Variants in CDH13 observed in about 807,000 individuals in gnomAD.
CDH13 encodes the protein cadherin-13.
In CDH13, 24 loss-of-function variants were observed where a neutral mutation model predicts 63.8. That is an observed-to-expected ratio of 0.38 (90% confidence interval 0.27 to 0.53). The LOEUF (loss-of-function observed/expected upper bound fraction) is 0.53, where lower values mean the gene tolerates loss of function less well. CDH13 is among the 20% of genes least tolerant of loss of function. The pLI, the probability that CDH13 is intolerant of heterozygous loss-of-function variation, is 0.85. For missense variants in CDH13, 1,049 were observed against 903.1 expected (o/e 1.16, Z -2.07); for synonymous variants, 503 against 355.3 (o/e 1.42, Z -4.67).
At chr16:82,855,233 T>G (rs1042587277) in intron 1 of CDH13, among the ~76,000 whole-genome samples, 4 of 152,184 alleles carry the variant, frequency 2.6e-5, no homozygotes, top group Admixed American at 6.5e-5. Flanking sequence ...GAATCCTGAA[T>G]GGGCCCTGCA....
rs530344641 is a variant in CDH13 at position 82,675,300 on chromosome 16, G to A, written c.45+48163G>A. Among the ~76,000 whole-genome samples the A allele has an allele frequency of 3.9e-5, 6 of 152,170 alleles. No individual in the cohort carries two copies. The East Asian group carries it at 1.2e-3, about 29-fold the overall frequency. ...AGATTATTTTTCATAAATTTATCTA[G>A]CCCATCTATTATTTCTCTATATTAT... On this transcript the variant is annotated intron_variant, in intron 1 of 13. Transcript: ENST00000567109.
At chr16:83,095,839 G>T (rs1359558646) in intron 3 of CDH13, among the ~76,000 whole-genome samples, 1 of 152,132 alleles carries the variant, frequency 6.6e-6, no homozygotes, top group African/African-American at 2.4e-5. Context: ...TTTCTTAAAG[G>T]CAATAGAGGC....
At chr16:83,663,539 C>A (rs1415778712) in intron 8 of CDH13, among the ~76,000 whole-genome samples, 1 of 152,080 alleles carries the variant, frequency 6.6e-6, no homozygotes, top group Non-Finnish European at 1.5e-5. Context: ...ATTCTTGAGA[C>A]AAAATAACCC....
chr16:83,280,923 A>G (rs1175671121), intron 5 of CDH13, among the ~76,000 whole-genome samples: 4 of 152,264 alleles, frequency 2.6e-5, no homozygotes, highest in Non-Finnish European at 5.9e-5. Context: ...CAAAATATTC[A>G]GTAAACTATG....
intron 5 of CDH13, among the ~76,000 whole-genome samples, chr16:83,240,301 T>C (rs1363760882): frequency 1.3e-5 from 2 of 152,010 alleles, no homozygotes; most frequent in African/African-American, 4.8e-5. Flanking sequence ...CTCAGGGCCT[T>C]GGAAACTTTG....
chr16:83,317,863 C>G (rs1399119643), intron 5 of CDH13, among the ~76,000 whole-genome samples: 6 of 151,586 alleles, frequency 4.0e-5, no homozygotes, highest in African/African-American at 1.5e-4. Context: ...AGTGGGGAAA[C>G]TGAGGATCAC....
chr16:83,651,783 A>G (rs1912405347), intron 8 of CDH13, among the ~76,000 whole-genome samples: 1 of 151,720 alleles, frequency 6.6e-6, no homozygotes, highest in African/African-American at 2.4e-5. Context: ...TTTAGTAGAG[A>G]CAGGGTTTCA....
intron 3 of CDH13, among the ~76,000 whole-genome samples, chr16:83,056,357 G>A (rs1268206681): frequency 1.3e-5 from 2 of 151,540 alleles, no homozygotes; most frequent in African/African-American, 2.4e-5. Context: ...AGAAAGTCCA[G>A]AATAACACTT....
intron 2 of CDH13, among the ~76,000 whole-genome samples, chr16:82,992,085 C>T (rs765589363): frequency 3.9e-5 from 6 of 152,078 alleles, no homozygotes; most frequent in South Asian, 4.1e-4. Context: ...AGAAGTGAAA[C>T]GGCACTGATT....
rs538324066 is a variant in CDH13, at chr16:82,852,312, A to T, written c.46-6050A>T. 1.8e-3 allele frequency among the ~76,000 whole-genome samples: 281 copies of T among 152,328 alleles called. 1 individual carries two copies. The highest frequency in any genetic ancestry group is 3.1e-3 in the Non-Finnish European group (209 of 68,028). On this transcript the variant is annotated intron_variant, in intron 1 of 13. Coordinates refer to ENST00000567109, the MANE Select transcript of CDH13 (RefSeq NM_001257.5). ...ATCAGCTGCTGCAACAAACAACACC[A>T]AATCTCAGTGACTTTGCACAGCGTT...
At chr16:83,571,424 C>A (rs1245983813) in intron 7 of CDH13, among the ~76,000 whole-genome samples, 1 of 151,848 alleles carries the variant, frequency 6.6e-6, no homozygotes, top group African/African-American at 2.4e-5. Context: ...AAAAACTGGC[C>A]CTTAAAGCAA....
At chr16:82,726,398 C>G (rs1567470587) in intron 1 of CDH13, among the ~76,000 whole-genome samples, 1 of 152,152 alleles carries the variant, frequency 6.6e-6, no homozygotes, top group Non-Finnish European at 1.5e-5. Context: ...GACATTGCAG[C>G]TGGAATTTCA....
At chr16:83,040,879 G>A (rs1207303656) in intron 3 of CDH13, among the ~76,000 whole-genome samples, 1 of 152,148 alleles carries the variant, frequency 6.6e-6, no homozygotes, top group African/African-American at 2.4e-5. Flanking sequence ...TAATGAACGA[G>A]GCAAACTGAG....
chr16:82,780,365 CAG>C (rs2035695946), intron 1 of CDH13, among the ~76,000 whole-genome samples: 1 of 152,134 alleles, frequency 6.6e-6, no homozygotes, highest in South Asian at 2.1e-4. Flanking sequence ...GTGCGGCAAA[CAG>C]GGTAGAAATG....
intron 1 of CDH13, among the ~76,000 whole-genome samples, chr16:82,756,838 C>G (rs2034629792): frequency 6.6e-6 from 1 of 152,196 alleles, no homozygotes; most frequent in Admixed American, 6.5e-5. Flanking sequence ...GTCACCAATG[C>G]ATGACTATCA....
intron 6 of CDH13, among the ~76,000 whole-genome samples, chr16:83,374,536 CT>C (rs2091427419): frequency 6.6e-6 from 1 of 152,172 alleles, no homozygotes; most frequent in East Asian, 1.9e-4. Flanking sequence ...TTGAGTTTTC[CT>C]GGGTTGTGCA....
chr16:83,409,249 A>C (rs1003589021), intron 6 of CDH13, among the ~76,000 whole-genome samples: 1 of 152,098 alleles, frequency 6.6e-6, no homozygotes, highest in Non-Finnish European at 1.5e-5. Context: ...AAGATATGGG[A>C]GCTGGGGAGT....
intron 1 of CDH13, chr16:82,823,891 T>A (rs1000844634): frequency 1.3e-5 from 2 of 152,154 alleles, no homozygotes; most frequent in Non-Finnish European, 2.9e-5. Flanking sequence ...TCATGTATTC[T>A]CTTTCTACTA....
chr16:83,151,938 G>A (rs2036998228), intron 4 of CDH13, among the ~76,000 whole-genome samples: 1 of 147,814 alleles, frequency 6.8e-6, no homozygotes, highest in African/African-American at 2.5e-5. Context: ...CTCCAGCCTG[G>A]GCAACAAAAA....
Sources: allele counts gnomAD v4.1 joint callset (sites outside exome capture counted in the v4.1 genomes callset), GRCh38; gene constraint gnomAD v4.1.1; transcripts MANE v1.5; gene names NCBI Gene and HGNC (gene_info 2026-07-23, HGNC 2026-07-21).